ZNF804B: variants seen among roughly 807,000 people sequenced by gnomAD.
ZNF804B encodes zinc finger protein 804B.
A neutral mutation model predicts 101.4 loss-of-function variants in ZNF804B; 80 were observed. The observed-to-expected ratio is 0.79, with a 90% CI of 0.66 to 0.95. The LOEUF is 0.95. Among genes scored for constraint, ZNF804B ranks in the 40% least tolerant of loss-of-function variants. The pLI, the probability that ZNF804B is intolerant of heterozygous loss-of-function variation, is 0.00. For missense variants in ZNF804B, 1,673 were observed against 1,561.9 expected (o/e 1.07, Z -1.20); for synonymous variants, 622 against 558.8 (o/e 1.11, Z -1.59).
intron 1 of ZNF804B, among the ~76,000 whole-genome samples, chr7:89,071,049 A>G (rs1051119805): frequency 6.6e-6 from 1 of 152,180 alleles, no homozygotes; most frequent in Non-Finnish European, 1.5e-5. Context: ...ATCCTCTTGT[A>G]TAATTTAAAT....
intron 1 of ZNF804B, among the ~76,000 whole-genome samples, chr7:89,195,858 G>A (rs1487237903): frequency 6.8e-6 from 1 of 146,740 alleles, no homozygotes; most frequent in Admixed American, 6.9e-5. Context: ...AGAAGTGAAG[G>A]ACCTCTTGAA....
chr7:89,130,116 A>C (rs1790526383), intron 1 of ZNF804B, among the ~76,000 whole-genome samples: 1 of 151,952 alleles, frequency 6.6e-6, no homozygotes, highest in South Asian at 2.1e-4. Flanking sequence ...ACCAAGAGAA[A>C]ATGAAACAGA....
chr7:89,193,031 A>G (rs540375926), intron 1 of ZNF804B, among the ~76,000 whole-genome samples: 4 of 152,218 alleles, frequency 2.6e-5, no homozygotes, highest in African/African-American at 9.6e-5. Context: ...GCAAACCCAC[A>G]GCCAATATCA....
Position 89,335,966 on chromosome 7 carries a change from G to A in ZNF804B, c.2984G>A (p.Ser995Asn). The A allele has an allele frequency of 1.2e-6, 2 of 1,614,026 alleles. No individual in the cohort carries two copies. Among genetic ancestry groups the A allele is most frequent in the Non-Finnish European group, 1.7e-6 (2 of 1,179,976 alleles). The change falls in exon 4 of 4, where the codon AGT becomes AAT. Residue 995 changes from serine (S) to asparagine (N), a missense_variant. Coordinates refer to ENST00000333190, the MANE Select transcript of ZNF804B (RefSeq NM_181646.5). ...AGTGAGAGCAGAAATGATCAAGACAGTGCAATTCCAAGGACTACGGAGAAA... is the reference window on the plus strand; with the variant it reads ...AGTGAGAGCAGAAATGATCAAGACAATGCAATTCCAAGGACTACGGAGAAA... ...YASESRNDQD[S>N]AIPRTTEKDK...
At chr7:88,974,167 G>A (rs1793579848) in intron 1 of ZNF804B, among the ~76,000 whole-genome samples, 1 of 151,254 alleles carries the variant, frequency 6.6e-6, no homozygotes, top group Admixed American at 6.6e-5. Context: ...GAAGAAAAGT[G>A]TTCAAGACAG....
At chr7:88,841,127 A>C (rs1213516120) in intron 1 of ZNF804B, among the ~76,000 whole-genome samples, 3 of 152,224 alleles carry the variant, frequency 2.0e-5, no homozygotes, top group Non-Finnish European at 4.4e-5. Context: ...TGGCCTGTCC[A>C]AAGAAAGATA....
chr7:89,203,001 T>C (rs1036795223), intron 1 of ZNF804B, among the ~76,000 whole-genome samples: 11 of 152,078 alleles, frequency 7.2e-5, no homozygotes, highest in Admixed American at 7.2e-4. Context: ...ACTAGTTCTC[T>C]ACACAGCACA....
chr7:89,026,529 A>C (rs1259957494), intron 1 of ZNF804B, among the ~76,000 whole-genome samples: 1 of 152,198 alleles, frequency 6.6e-6, no homozygotes, highest in Non-Finnish European at 1.5e-5. Flanking sequence ...CAAACTGGAA[A>C]CTATTCCAAA....
chr7:88,985,242 T>A (rs1475871009), intron 1 of ZNF804B, among the ~76,000 whole-genome samples: 1 of 139,430 alleles, frequency 7.2e-6, no homozygotes, highest in Non-Finnish European at 1.5e-5. Context: ...ACATTTGTGT[T>A]TGTTTAACCA....
chr7:88,954,080 G>A (rs1793265347), intron 1 of ZNF804B, among the ~76,000 whole-genome samples: 1 of 151,646 alleles, frequency 6.6e-6, no homozygotes, highest in African/African-American at 2.4e-5. Flanking sequence ...CCATTTGAAA[G>A]TTTGACTGAT....
chr7:88,993,524 T>C (rs1290845945), intron 1 of ZNF804B, among the ~76,000 whole-genome samples: 3 of 152,018 alleles, frequency 2.0e-5, no homozygotes, highest in African/African-American at 7.2e-5. Flanking sequence ...AAAAGGTCAA[T>C]GACCCAAAAA....
intron 2 of ZNF804B, among the ~76,000 whole-genome samples, chr7:89,319,559 T>G (rs1284867142): frequency 6.6e-6 from 1 of 152,126 alleles, no homozygotes; most frequent in Non-Finnish European, 1.5e-5. Context: ...AAGTCACAGG[T>G]GCACAGAGCC....
intron 2 of ZNF804B, among the ~76,000 whole-genome samples, chr7:89,316,752 G>A (rs1245003312): frequency 6.6e-6 from 1 of 152,146 alleles, no homozygotes; most frequent in Non-Finnish European, 1.5e-5. Context: ...AGGCAAGTCT[G>A]CACTCATCCA....
chr7:89,126,812 T>C (rs1033544979), intron 1 of ZNF804B, among the ~76,000 whole-genome samples: 3 of 151,902 alleles, frequency 2.0e-5, no homozygotes, highest in Non-Finnish European at 4.4e-5. Flanking sequence ...TGAAGATTTG[T>C]AGGCCATAAA....
At chr7:89,135,440 C>T (rs1012487452) in intron 1 of ZNF804B, among the ~76,000 whole-genome samples, 3 of 152,044 alleles carry the variant, frequency 2.0e-5, no homozygotes, top group African/African-American at 7.2e-5. Flanking sequence ...AGATTTTCTT[C>T]TGTTTGTATC....
chr7:89,061,167 T>G (rs1789373167), intron 1 of ZNF804B, among the ~76,000 whole-genome samples: 1 of 152,160 alleles, frequency 6.6e-6, no homozygotes, highest in Non-Finnish European at 1.5e-5. Context: ...TGTATGTTAT[T>G]ATTGCCTATT....
intron 1 of ZNF804B, among the ~76,000 whole-genome samples, chr7:89,092,420 T>TG (rs1789907357): frequency 7.1e-6 from 1 of 141,032 alleles, no homozygotes; most frequent in South Asian, 2.4e-4. Flanking sequence ...TTTTTTTTTT[T>TG]TTTTTTTTTT....
At chr7:89,007,296 A>G (rs1474551583) in intron 1 of ZNF804B, among the ~76,000 whole-genome samples, 3 of 151,412 alleles carry the variant, frequency 2.0e-5, no homozygotes, top group South Asian at 2.1e-4. Context: ...CAAAATGTTT[A>G]CAAAGTGTAT....
At chr7:89,184,577 T>C (rs1022365635) in intron 1 of ZNF804B, among the ~76,000 whole-genome samples, 12 of 152,308 alleles carry the variant, frequency 7.9e-5, no homozygotes, top group African/African-American at 2.9e-4. Flanking sequence ...ATTTAGTGCA[T>C]ATGTTTCTCT....
Sources: allele counts gnomAD v4.1 joint callset (sites outside exome capture counted in the v4.1 genomes callset), GRCh38; gene constraint gnomAD v4.1.1; transcripts MANE v1.5; gene names NCBI Gene and HGNC (gene_info 2026-07-23, HGNC 2026-07-21).